The following TBX19 variants were observed in gnomAD, a reference collection of about 807,000 sequenced individuals.
The protein encoded by TBX19 is T-box transcription factor 19, also known as T-box transcription factor TBX19.
A neutral mutation model predicts 40.9 loss-of-function variants in TBX19; 33 were observed. The observed-to-expected ratio is 0.81, with a 90% CI of 0.61 to 1.08. The LOEUF (loss-of-function observed/expected upper bound fraction) is 1.08, where lower values mean the gene tolerates loss of function less well. Ranked by LOEUF, TBX19 falls within the 50% of genes least tolerant of loss-of-function variation. TBX19 has a pLI of 0.00. For synonymous variants in TBX19, 220 were observed against 225.0 expected (o/e 0.98, Z 0.20); for missense variants, 494 against 574.0 (o/e 0.86, Z 1.42).
chr1:168,311,569 C>T (rs113838594), intron 7 of TBX19, among the ~76,000 whole-genome samples: 5 of 152,214 alleles, frequency 3.3e-5, no homozygotes, highest in African/African-American at 9.7e-5. Context: ...TGAAGGATGG[C>T]ATTGCCAACT....
chr1:168,312,774 G>T lies in TBX19; in HGVS notation c.1119G>T (p.Val373=). ...GCCCCAGTGGGCCAGGCCCGGAGGT[G>T]CACGCCAGCACCCCAGGAGCATTTC... ...AGGPSGPGPE[V]HASTPGAFLL... The change falls in exon 8 of 8, where the codon GTG becomes GTT. Residue 373 remains valine (V), a synonymous_variant. Coordinates refer to ENST00000367821, the MANE Select transcript of TBX19 (RefSeq NM_005149.3). 6.2e-7 allele frequency: 1 copy of T among 1,614,222 alleles called. No individual in the cohort carries two copies. Among genetic ancestry groups the T allele is most frequent in the Non-Finnish European group, 8.5e-7 (1 of 1,180,046 alleles).
chr1:168,289,736 T>C (rs1469578183), intron 1 of TBX19, among the ~76,000 whole-genome samples: 2 of 152,182 alleles, frequency 1.3e-5, no homozygotes, highest in Non-Finnish European at 2.9e-5. Context: ...TTGGCCGTAT[T>C]ACCATTACAC....
At chr1:168,293,326 T>TAA in intron 3 of TBX19, 48 bp downstream of exon 3, 2 of 1,514,350 alleles carry the variant, frequency 1.3e-6, no homozygotes, top group Non-Finnish European at 1.8e-6. Context: ...TGTGTGTGTG[T>TAA]AACTGTCACC....
intron 6 of TBX19, among the ~76,000 whole-genome samples, chr1:168,307,350 T>C (rs1037181574): frequency 1.3e-5 from 2 of 152,118 alleles, no homozygotes; most frequent in African/African-American, 2.4e-5. Flanking sequence ...GTTTTTTGGC[T>C]GTATCATAAC....
intron 7 of TBX19, among the ~76,000 whole-genome samples, chr1:168,310,067 C>T (rs556465459): frequency 5.9e-5 from 9 of 151,938 alleles, no homozygotes; most frequent in Non-Finnish European, 1.3e-4. Context: ...TTTGGGAGGC[C>T]GAGGCAGGTA....
intron 3 of TBX19, among the ~76,000 whole-genome samples, chr1:168,297,343 A>G (rs1055729348): frequency 1.3e-5 from 2 of 152,366 alleles, no homozygotes; most frequent in South Asian, 2.1e-4. Context: ...AATCACATGT[A>G]GTAGGGGATC....
At chr1:168,283,139 A>C (rs1489043421) in intron 1 of TBX19, among the ~76,000 whole-genome samples, 1 of 152,244 alleles carries the variant, frequency 6.6e-6, no homozygotes, top group Non-Finnish European at 1.5e-5. Context: ...GCCCGGGATC[A>C]GTCTGGGCAA....
chr1:168,298,835 CTTT>C lies in TBX19; in HGVS notation c.665+1051_665+1053del, dbSNP rs1406486336. Among the ~76,000 whole-genome samples the C allele has an allele frequency of 5.7e-4, 34 of 59,922 alleles. 2 individuals are homozygous for C. The highest frequency in any genetic ancestry group is 5.0e-3 in the East Asian group (9 of 1,794). The allele number at this position is 59,922 out of a possible 152,430, so 39.3% of individuals were successfully genotyped here. A position where few individuals can be genotyped will look rare whatever the true frequency, so the allele number is the denominator to read the frequency against. ...CCTCCCTCCCTTCCTTTCTTTCTTT[CTTT>C]CTTTCTTTCTTTCTTTCTTTCTTTC... On this transcript the variant is annotated intron_variant, in intron 4 of 7. Transcript: ENST00000367821.
Position 168,280,936 on chromosome 1 carries a change from G to T in TBX19, c.-155G>T, listed in dbSNP as rs552045315. On this transcript the variant is annotated 5_prime_UTR_variant, in exon 1 of 8. Transcript: ENST00000367821. ...GGCATAATGTGGAGACTTTTAAGGG[G>T]TGTCATCCTAGGAGCTTAGGCAAGA... 5 of 729,942 alleles carry T rather than the reference G, an allele frequency of 6.8e-6. No individual in the cohort carries two copies. Among genetic ancestry groups the T allele is most frequent in the Middle Eastern group, 7.3e-4 (2 of 2,746 alleles). 45.2% of individuals were successfully genotyped at this position (729,942 alleles called of 1,614,324 possible).
intron 4 of TBX19, among the ~76,000 whole-genome samples, chr1:168,298,187 C>T (rs532482891): frequency 1.3e-5 from 2 of 152,254 alleles, no homozygotes; most frequent in South Asian, 4.1e-4. Flanking sequence ...CAGAGCGAGA[C>T]TCCGTCTCAG....
Position 168,284,844 on chromosome 1 carries a change from G to GA in TBX19, c.203+3555dup, listed in dbSNP as rs1452479666. Among the ~76,000 whole-genome samples the GA allele has an allele frequency of 2.6e-5, 4 of 151,108 alleles. No homozygotes were observed. The East Asian group carries it at 7.8e-4, about 29-fold the overall frequency. ...TACTTGTAACATTTTCACCTAAGGG[G>GA]AAAATGCCATATTTCTTGTCATCAT... On this transcript the variant is annotated intron_variant, in intron 1 of 7. Coordinates refer to ENST00000367821, the MANE Select transcript of TBX19 (RefSeq NM_005149.3).
chr1:168,287,972 G>T (rs1179205774), intron 1 of TBX19, among the ~76,000 whole-genome samples: 1 of 151,644 alleles, frequency 6.6e-6, no homozygotes, highest in Non-Finnish European at 1.5e-5. Context: ...CTATAAAATT[G>T]GCATAATAAC....
intron 1 of TBX19, among the ~76,000 whole-genome samples, chr1:168,286,134 T>C (rs937250879): frequency 2.0e-5 from 3 of 152,236 alleles, no homozygotes; most frequent in African/African-American, 4.8e-5. Flanking sequence ...TCTTGGCAAA[T>C]GCAATACTAA....
rs1036885994 is a variant in TBX19, at chr1:168,312,890, C to T, written c.1235C>T (p.Ser412Leu). 9.3e-6 allele frequency: 15 copies of T among 1,614,152 alleles called. No individual in the cohort carries two copies. Among genetic ancestry groups the T allele is most frequent in the Non-Finnish European group, 1.1e-5 (13 of 1,180,058 alleles). Residue 412 changes from serine to leucine, a missense_variant, in exon 8 of 8, where the codon TCG (serine) becomes TTG (leucine). Ser to Leu is a moderately radical substitution (Grantham distance 145). Around this residue, in one of 3 missense-constraint regions of TBX19, gnomAD observed 284 missense variants for 307.3 expected, o/e 0.92. Coordinates refer to ENST00000367821, the MANE Select transcript of TBX19 (RefSeq NM_005149.3). Reference sequence around the variant, plus strand: ...GGTGTGGAGGTTCTGGGGGAGCCCTCGCTAACCAGCATTGCTGTGTCCACC... The same window carrying T: ...GGTGTGGAGGTTCTGGGGGAGCCCTTGCTAACCAGCATTGCTGTGTCCACC... ...SAGVEVLGEP[S>L]LTSIAVSTWT...
chr1:168,291,418 C>G lies in TBX19; in HGVS notation c.462C>G (p.Gly154=), dbSNP rs34342577. Reference sequence around the variant, plus strand: ...AGCTGACCAACAAGCTCAATGGAGGCGGGCAGGTACGAATGAGGCGGGCAG... The same window carrying G: ...AGCTGACCAACAAGCTCAATGGAGGGGGGCAGGTACGAATGAGGCGGGCAG... The part of the protein sequence containing the change: ...KVKLTNKLNG[G]GQIMLNSLHK... Residue 154 remains glycine (G), a synonymous_variant, in exon 2 of 8, where the codon GGC becomes GGG. Transcript: ENST00000367821. The G allele has an allele frequency of 1.2e-6, 2 of 1,614,126 alleles. No homozygotes were observed. Among genetic ancestry groups the G allele is most frequent in the Middle Eastern group, 1.6e-4 (1 of 6,062 alleles).
intron 7 of TBX19, among the ~76,000 whole-genome samples, chr1:168,310,775 A>G (rs1246978670): frequency 2.1e-5 from 3 of 146,306 alleles, no homozygotes; most frequent in Non-Finnish European, 4.5e-5. Flanking sequence ...ATTTTAATAT[A>G]TATAATTTGT....
intron 5 of TBX19, among the ~76,000 whole-genome samples, chr1:168,301,851 C>G (rs1649282011): frequency 6.6e-6 from 1 of 152,196 alleles, no homozygotes; most frequent in South Asian, 2.1e-4. Flanking sequence ...GGCAGCTAGT[C>G]AGGAACAAAA....
Position 168,313,662 on chromosome 1 carries a change from C to T in TBX19, c.*660C>T, listed in dbSNP as rs905799081. On this transcript the variant is annotated 3_prime_UTR_variant, in exon 8 of 8. Transcript: ENST00000367821. ...GTGTGGTAGTTTAAGCCTATAATCT[C>T]AGCCCTTTTGGAGGCCAAGGTAAGA... 1 of 153,308 alleles carries T rather than the reference C, an allele frequency of 6.5e-6. No individual in the cohort carries two copies. Among genetic ancestry groups the T allele is most frequent in the African/African-American group, 2.4e-5 (1 of 41,438 alleles). The allele number at this position is 153,308 out of a possible 1,614,324, so 9.5% of individuals were successfully genotyped here.
At chr1:168,311,190 G>T (rs1649512426) in intron 7 of TBX19, among the ~76,000 whole-genome samples, 1 of 151,908 alleles carries the variant, frequency 6.6e-6, no homozygotes, top group African/African-American at 2.4e-5. Context: ...AAACAATCAT[G>T]TGCCAAGTTG....
Sources: gnomAD v4.1 joint callset for allele counts (sites outside exome capture counted in the v4.1 genomes callset) on GRCh38, gnomAD v4.1.1 for gene constraint, gnomAD v4.1.1 regional missense constraint, MANE v1.5 for transcripts, NCBI Gene and HGNC (gene_info 2026-07-23, HGNC 2026-07-21) for gene names.